CCDC18: variants seen among roughly 807,000 people sequenced by gnomAD.
The protein encoded by CCDC18 is coiled-coil domain-containing protein 18.
A neutral mutation model predicts 196.0 loss-of-function variants in CCDC18; 157 were observed. The ratio of observed to expected loss-of-function variants is 0.80; its 90% CI spans 0.70 to 0.91. CCDC18 has a LOEUF of 0.91. Ranked by LOEUF, CCDC18 falls within the 40% of genes least tolerant of loss-of-function variation. CCDC18 has a pLI of 0.00. For missense variants in CCDC18, 1,465 were observed against 1,611.6 expected (o/e 0.91, Z 1.56); for synonymous variants, 482 against 529.2 (o/e 0.91, Z 1.22).
At chr1:93,271,406 A>G in intron 28 of CCDC18, 2 of 985,208 alleles carry the variant, frequency 2.0e-6, no homozygotes, top group Non-Finnish European at 2.4e-6. Flanking sequence ...CTTCTTTTTT[A>G]GAGAGAAATT....
At position 93,221,915 on chromosome 1, in the gene CCDC18, A is replaced by C. The variant is rs530388524; in HGVS notation, c.2154A>C (p.Gln718His). The change falls in exon 16 of 29, where the codon CAA becomes CAC. Residue 718 changes from glutamine (Q) to histidine (H), a missense_variant. Transcript: ENST00000690025. ...KDEALKALQNQVSEETIKVRQ... is the reference protein window; with the variant it reads ...KDEALKALQNHVSEETIKVRQ... Reference sequence around the variant, plus strand: ...AAGCTTTAAAAGCATTACAGAACCAAGTATCTGAAGAAACAATCAAGGCTA... The same window carrying C: ...AAGCTTTAAAAGCATTACAGAACCACGTATCTGAAGAAACAATCAAGGCTA... 1.3e-6 allele frequency: 2 copies of C among 1,594,044 alleles called. No individual in the cohort carries two copies. The highest frequency in any genetic ancestry group is 4.5e-5 in the East Asian group (2 of 44,582).
At chr1:93,195,608 G>A (rs1289592955) in intron 6 of CCDC18, among the ~76,000 whole-genome samples, 2 of 152,180 alleles carry the variant, frequency 1.3e-5, no homozygotes, top group Non-Finnish European at 2.9e-5. Flanking sequence ...CTCTGCTTTC[G>A]TGAATGGATT....
At chr1:93,180,471 G>A (rs1216491630), upstream of CCDC18, 3 of 1,463,094 alleles carry the variant, frequency 2.1e-6, no homozygotes, top group African/African-American at 4.4e-5. Context: ...CCTCAGTCTC[G>A]GCCCCCTCAG....
At chr1:93,277,613 T>G (rs1267558973) in intron 28 of CCDC18, among the ~76,000 whole-genome samples, 1 of 146,652 alleles carries the variant, frequency 6.8e-6, no homozygotes, top group Admixed American at 6.8e-5. Flanking sequence ...GAGCACGGGG[T>G]TGGGGGTAAG....
chr1:93,207,527 C>A, intron 9 of CCDC18, 129 bp downstream of exon 9: 1 of 663,224 alleles, frequency 1.5e-6, no homozygotes, highest in Non-Finnish European at 2.4e-6. Flanking sequence ...ATGAATTTCT[C>A]TTCTGTCTAA....
intron 16 of CCDC18, among the ~76,000 whole-genome samples, chr1:93,224,033 C>G (rs768329122): frequency 6.6e-6 from 1 of 151,758 alleles, no homozygotes; most frequent in African/African-American, 2.4e-5. Flanking sequence ...AATAGAGTAG[C>G]GGATGTTTTG....
rs1035943236 is a variant in CCDC18 at position 93,217,736 on chromosome 1, A to G, written c.1831-2A>G. 5 of 1,597,430 alleles carry G rather than the reference A, an allele frequency of 3.1e-6. No individual in the cohort carries two copies. The highest frequency in any genetic ancestry group is 3.6e-5 in the Admixed American group (2 of 55,490). On this transcript the variant is annotated splice_acceptor_variant, in intron 13 of 28. Coordinates refer to ENST00000690025, the MANE Select transcript of CCDC18 (RefSeq NM_001378204.1). LOFTEE classifies it high-confidence loss of function. Reference sequence around the variant, plus strand: ...CTCCTTTAAAGTGTTTTGTGTTTCTAGGAAAAGAATGAAAAGATAAGGAGT... The same window carrying G: ...CTCCTTTAAAGTGTTTTGTGTTTCTGGGAAAAGAATGAAAAGATAAGGAGT...
intron 17 of CCDC18, among the ~76,000 whole-genome samples, chr1:93,228,963 C>A (rs780777861): frequency 2.0e-5 from 3 of 152,002 alleles, no homozygotes; most frequent in African/African-American, 4.8e-5. Context: ...TGCTTTGTCA[C>A]CCAGGCTGGA....
At chr1:93,233,376 A>G (rs1289892086) in intron 18 of CCDC18, among the ~76,000 whole-genome samples, 2 of 152,188 alleles carry the variant, frequency 1.3e-5, no homozygotes, top group Non-Finnish European at 2.9e-5. Flanking sequence ...ATTTATCTGA[A>G]TTCTTTAGAT....
intron 4 of CCDC18, chr1:93,191,002 G>C (rs1056367630): frequency 9.8e-7 from 1 of 1,017,492 alleles, no homozygotes; most frequent in Non-Finnish European, 1.5e-6. Flanking sequence ...CACTTTCTAG[G>C]GTTGGTGCTT....
chr1:93,180,397 G>A, upstream of CCDC18: 1 of 1,241,978 alleles, frequency 8.1e-7, no homozygotes, highest in Non-Finnish European at 1.1e-6. Context: ...CCCTCCGAAA[G>A]AGAAGCGCAG....
rs904211550 is a variant in CCDC18 at position 93,239,709 on chromosome 1, A to G, written c.2794A>G (p.Ser932Gly). Residue 932 changes from serine (S) to glycine (G), a missense_variant, in exon 21 of 29, where the codon AGT becomes GGT. Physicochemically the swap from Ser to Gly is moderately conservative, Grantham distance 56. Coordinates refer to ENST00000690025, the MANE Select transcript of CCDC18 (RefSeq NM_001378204.1). ...AAAGGAGTTAGAAAAGTTACAGCACAGTACTGAAACTGAACTAACAGAAGC... is the reference window on the plus strand; with the variant it reads ...AAAGGAGTTAGAAAAGTTACAGCACGGTACTGAAACTGAACTAACAGAAGC... Reference protein sequence around the residue: ...AVKELEKLQHSTETELTEALQ... With the variant: ...AVKELEKLQHGTETELTEALQ... 1 of 1,612,810 alleles carries G rather than the reference A, an allele frequency of 6.2e-7. No homozygotes were observed. Among genetic ancestry groups the G allele is most frequent in the South Asian group, 1.1e-5 (1 of 91,034 alleles).
At chr1:93,181,315 C>A (rs989744050) in intron 1 of CCDC18, among the ~76,000 whole-genome samples, 9 of 139,054 alleles carry the variant, frequency 6.5e-5, no homozygotes, top group African/African-American at 1.9e-4. Flanking sequence ...GAATCTTTTT[C>A]GACTACAGCC....
At chr1:93,187,601 A>G (rs941005582) in intron 4 of CCDC18, among the ~76,000 whole-genome samples, 3 of 152,172 alleles carry the variant, frequency 2.0e-5, no homozygotes, top group Admixed American at 6.5e-5. Flanking sequence ...GTAGTTTTAA[A>G]TAGAGGAGTT....
chr1:93,274,721 C>A (rs6657587), intron 28 of CCDC18, among the ~76,000 whole-genome samples: 29,992 of 151,934 alleles, frequency 0.2, 3,399 homozygotes, highest in African/African-American at 0.3. Flanking sequence ...TGGTGGCGCA[C>A]ATCTGTAGTC....
intron 27 of CCDC18, among the ~76,000 whole-genome samples, chr1:93,268,223 A>G (rs1346810809): frequency 6.6e-6 from 1 of 152,264 alleles, no homozygotes. Flanking sequence ...GGCTAGCCAT[A>G]TGTAGAAAGG....
chr1:93,221,802 A>T, intron 15 of CCDC18, 57 bp from the exon 16 acceptor site: 3 of 1,591,600 alleles, frequency 1.9e-6, no homozygotes, highest in Non-Finnish European at 2.6e-6. Context: ...ATGTCTCTAT[A>T]ACTTGCCTTT....
chr1:93,202,686 G>A (rs1654029682), intron 7 of CCDC18, among the ~76,000 whole-genome samples: 1 of 152,074 alleles, frequency 6.6e-6, no homozygotes, highest in Non-Finnish European at 1.5e-5. Context: ...TAAGAAGATG[G>A]GTGTTCATTT....
intron 3 of CCDC18, among the ~76,000 whole-genome samples, chr1:93,186,112 T>C (rs1282668730): frequency 3.3e-5 from 5 of 151,958 alleles, no homozygotes; most frequent in Non-Finnish European, 5.9e-5. Context: ...TACCAGCCAG[T>C]TTCCCAAAGT....
Sources: allele counts gnomAD v4.1 joint callset (sites outside exome capture counted in the v4.1 genomes callset), GRCh38; gene constraint gnomAD v4.1.1; transcripts MANE v1.5; gene names NCBI Gene and HGNC (gene_info 2026-07-23, HGNC 2026-07-21).